The following ACACA variants were observed in gnomAD, a reference collection of about 807,000 sequenced individuals.
The protein encoded by ACACA is acetyl-CoA carboxylase 1.
Under a neutral mutation model 296.1 loss-of-function variants are expected in ACACA, and 103 were observed. The ratio of observed to expected loss-of-function variants is 0.35; its 90% CI spans 0.30 to 0.41. The LOEUF is 0.41. Ranked by LOEUF, ACACA falls within the 10% of genes least tolerant of loss-of-function variation. The pLI is 1.00. For synonymous variants in ACACA, 953 were observed against 1,038.6 expected (o/e 0.92, Z 1.58); for missense variants, 1,554 against 2,989.7 (o/e 0.52, Z 11.20).
chr17:37,156,263 C>T (rs975225880), intron 42 of ACACA, among the ~76,000 whole-genome samples: 1 of 151,948 alleles, frequency 6.6e-6, no homozygotes, highest in Non-Finnish European at 1.5e-5. Context: ...CAGGGTTTCA[C>T]CGTGTTAGCC....
intron 47 of ACACA, among the ~76,000 whole-genome samples, chr17:37,128,567 G>T (rs1208135950): frequency 1.3e-5 from 2 of 152,178 alleles, no homozygotes; most frequent in Non-Finnish European, 2.9e-5. Flanking sequence ...TTGAAAAAAT[G>T]GATTCAAAAT....
rs192898754 is a variant in ACACA, at chr17:37,381,728, C to T, written c.38+24534G>A. 4.7e-3 allele frequency among the ~76,000 whole-genome samples: 704 copies of T among 150,128 alleles called. 6 individuals carry two copies. Among genetic ancestry groups the T allele is most frequent in the Middle Eastern group, 6.8e-3 (2 of 294 alleles). Reference sequence around the variant, plus strand: ...CTGCAAGCTCCGCCTCTCGGGTTCACGCCATTCTCCTGCCTCAGCCTCCCG... The same window carrying T: ...CTGCAAGCTCCGCCTCTCGGGTTCATGCCATTCTCCTGCCTCAGCCTCCCG... On this transcript the variant is annotated intron_variant, in intron 1 of 55. Transcript: ENST00000616317.
intron 28 of ACACA, 172 bp from the exon 29 acceptor site, chr17:37,222,014 T>C (rs1186385155): frequency 6.2e-6 from 4 of 641,576 alleles, no homozygotes; most frequent in Non-Finnish European, 8.3e-6. Flanking sequence ...AAAGCTGGAG[T>C]CTTAATACTA....
chr17:37,299,757 T>C, intron 3 of ACACA: 1 of 998,494 alleles, frequency 1.0e-6, no homozygotes, highest in Non-Finnish European at 1.2e-6. Flanking sequence ...CCACTGCCTC[T>C]CCTGGCTGCC....
chr17:37,265,904 A>C (rs2081745150), intron 10 of ACACA, among the ~76,000 whole-genome samples: 2 of 152,282 alleles, frequency 1.3e-5, no homozygotes, highest in South Asian at 4.1e-4. Flanking sequence ...GCTCATTAAA[A>C]AGTTTAAGGC....
intron 49 of ACACA, 52 bp downstream of exon 49, chr17:37,122,479 C>T (rs371508076): frequency 7.0e-6 from 10 of 1,432,594 alleles, no homozygotes; most frequent in African/African-American, 1.4e-5. Flanking sequence ...ACAGGCACTG[C>T]GAAGAGAAAA....
chr17:37,181,340 T>A lies in ACACA; in HGVS notation c.4793A>T (p.Tyr1598Phe). ...ATGCAGTGGTCCCTGTTTGTCTCCA[T>A]ATGCCTGAAACATGATCTGCAGGAA... ...SRTAQIMFQA[Y>F]GDKQGPLHGM... is the part of the protein sequence containing the mutation. Residue 1598 changes from tyrosine to phenylalanine, a missense_variant, in exon 40 of 56, where the codon TAT becomes TTT. Coordinates refer to ENST00000616317, the MANE Select transcript of ACACA (RefSeq NM_198834.3). The A allele has an allele frequency of 3.7e-6, 6 of 1,613,940 alleles. No homozygotes were observed. The highest frequency in any genetic ancestry group is 5.1e-6 in the Non-Finnish European group (6 of 1,180,012).
chr17:37,312,043 G>T (rs1176158890), intron 3 of ACACA, among the ~76,000 whole-genome samples: 1 of 152,036 alleles, frequency 6.6e-6, no homozygotes, highest in African/African-American at 2.4e-5. Flanking sequence ...TTGAGGCCAG[G>T]AGTTTGAGAC....
At chr17:37,182,788 T>C (rs1480660148) in intron 39 of ACACA, among the ~76,000 whole-genome samples, 1 of 152,198 alleles carries the variant, frequency 6.6e-6, no homozygotes, top group Non-Finnish European at 1.5e-5. Context: ...GGAATAGAAT[T>C]AAGTACCTTC....
At chr17:37,327,942 A>G (rs990074086) in intron 3 of ACACA, among the ~76,000 whole-genome samples, 5 of 152,216 alleles carry the variant, frequency 3.3e-5, no homozygotes, top group African/African-American at 1.2e-4. Flanking sequence ...AGAGAGAAGA[A>G]TGCCACCACT....
At chr17:37,161,657 T>C in intron 42 of ACACA, 124 bp downstream of exon 42, 1 of 1,170,612 alleles carries the variant, frequency 8.5e-7, no homozygotes, top group South Asian at 1.4e-5. Flanking sequence ...AATAATTTTG[T>C]TTATATTTAA....
intron 54 of ACACA, among the ~76,000 whole-genome samples, chr17:37,095,023 C>T (rs2072900477): frequency 6.6e-6 from 1 of 152,004 alleles, no homozygotes; most frequent in South Asian, 2.1e-4. Context: ...TCTTCAGACG[C>T]TCTGTCCGCT....
At chr17:37,390,330 A>ATATCTATATATATATATC (rs1555672373) in intron 1 of ACACA, among the ~76,000 whole-genome samples, 4 of 41,592 alleles carry the variant, frequency 9.6e-5, no homozygotes, top group Non-Finnish European at 1.5e-4. Context: ...ATATATATAT[A>ATATCTATATATATATATC]TATAAAAGGC....
intron 42 of ACACA, among the ~76,000 whole-genome samples, chr17:37,159,419 G>A (rs1162116838): frequency 8.4e-4 from 128 of 151,956 alleles, no homozygotes; most frequent in African/African-American, 2.9e-3. Flanking sequence ...ATGGTATTTC[G>A]CTATGTTAGC....
intron 27 of ACACA, among the ~76,000 whole-genome samples, chr17:37,223,966 C>T (rs1014932226): frequency 1.3e-5 from 2 of 152,220 alleles, no homozygotes; most frequent in African/African-American, 4.8e-5. Flanking sequence ...CTTTAGGAGG[C>T]CAAGGCGGGC....
At chr17:37,115,623 C>T (rs1359825043) in intron 50 of ACACA, among the ~76,000 whole-genome samples, 1 of 152,122 alleles carries the variant, frequency 6.6e-6, no homozygotes, top group African/African-American at 2.4e-5. Flanking sequence ...AACAGATTGA[C>T]ATCTCAAAAA....
chr17:37,379,028 C>A lies in ACACA; in HGVS notation c.38+27234G>T. On this transcript the variant is annotated intron_variant, in intron 1 of 55. Transcript: ENST00000616317. Reference sequence around the variant, plus strand: ...TTGAGGCTGGAGTGAGCCATGATTGCGACACTGCACTCCAGCTTGGGTGAC... The same window carrying A: ...TTGAGGCTGGAGTGAGCCATGATTGAGACACTGCACTCCAGCTTGGGTGAC... The A allele has an allele frequency of 4.6e-6, 6 of 1,312,792 alleles. No homozygotes were observed. In the South Asian group the frequency reaches 4.6e-5, roughly 10 times the overall value. The allele number at this position is 1,312,792 out of a possible 1,614,324, so 81.3% of individuals were successfully genotyped here.
intron 41 of ACACA, among the ~76,000 whole-genome samples, chr17:37,167,332 C>T (rs1471607819): frequency 2.1e-5 from 3 of 141,128 alleles, no homozygotes; most frequent in Non-Finnish European, 4.5e-5. Flanking sequence ...AGTACAGTGG[C>T]GTGATCTTGG....
At chr17:37,302,272 G>A (rs764511266) in intron 3 of ACACA, among the ~76,000 whole-genome samples, 5 of 149,922 alleles carry the variant, frequency 3.3e-5, no homozygotes, top group South Asian at 2.1e-4. Flanking sequence ...GCGCGATCTC[G>A]GCTCACTGCA....
Sources: gnomAD v4.1 joint callset for allele counts (sites outside exome capture counted in the v4.1 genomes callset) on GRCh38, gnomAD v4.1.1 for gene constraint, MANE v1.5 for transcripts, NCBI Gene and HGNC (gene_info 2026-07-23, HGNC 2026-07-21) for gene names.